STPG4: variants seen among roughly 807,000 people sequenced by gnomAD.
The protein encoded by STPG4 is protein STPG4.
A neutral mutation model predicts 31.5 loss-of-function variants in STPG4; 41 were observed. The observed-to-expected ratio is 1.30, with a 90% CI of 1.01 to 1.69. The LOEUF (loss-of-function observed/expected upper bound fraction) is 1.69, where lower values mean the gene tolerates loss of function less well. Among genes scored for constraint, STPG4 ranks in the 40% most tolerant of loss-of-function variants. The pLI is 0.00. For synonymous variants in STPG4, 141 were observed against 103.0 expected, an observed-to-expected ratio of 1.37 and a Z score of -2.24; for missense variants, 375 against 293.4, an observed-to-expected ratio of 1.28 and a Z score of -2.03.
At chr2:47,111,298 A>G (rs1573165032) in intron 5 of STPG4, among the ~76,000 whole-genome samples, 1 of 152,320 alleles carries the variant, frequency 6.6e-6, no homozygotes, top group South Asian at 2.1e-4. Context: ...GTAGTCATCA[A>G]AAAGTAGCCC....
intron 5 of STPG4, among the ~76,000 whole-genome samples, chr2:47,101,699 T>A (rs1411705863): frequency 1.3e-5 from 2 of 151,808 alleles, no homozygotes; most frequent in Non-Finnish European, 2.9e-5. Flanking sequence ...AATTTTAGGA[T>A]CCCTCCTCAG....
intron 5 of STPG4, among the ~76,000 whole-genome samples, chr2:47,094,342 A>C (rs1203322805): frequency 1.3e-5 from 2 of 152,176 alleles, no homozygotes; most frequent in Non-Finnish European, 2.9e-5. Context: ...GAGTCCTAGA[A>C]CTTGATGTCA....
chr2:47,101,211 G>A (rs988399060), intron 5 of STPG4, among the ~76,000 whole-genome samples: 4 of 151,802 alleles, frequency 2.6e-5, no homozygotes, highest in African/African-American at 9.7e-5. Context: ...AAAAACATGG[G>A]TGTCAGGCTT....
chr2:47,087,494 C>G (rs966294499), intron 6 of STPG4, among the ~76,000 whole-genome samples: 1 of 152,188 alleles, frequency 6.6e-6, no homozygotes, highest in African/African-American at 2.4e-5. Context: ...ATCATCTTTC[C>G]CCCGGTGACC....
At chr2:47,115,214 C>T (rs1373139481) in intron 5 of STPG4, among the ~76,000 whole-genome samples, 4 of 151,890 alleles carry the variant, frequency 2.6e-5, no homozygotes, top group Non-Finnish European at 4.4e-5. Context: ...TTGAAACATT[C>T]CTTCTAGAGT....
chr2:47,124,477 G>A (rs1686328503), intron 5 of STPG4, among the ~76,000 whole-genome samples: 1 of 151,976 alleles, frequency 6.6e-6, no homozygotes, highest in Admixed American at 6.6e-5. Context: ...GAGTTTGATT[G>A]TTTTATTAAT....
At chr2:47,142,036 T>C (rs1386056005) in intron 3 of STPG4, among the ~76,000 whole-genome samples, 3 of 150,588 alleles carry the variant, frequency 2.0e-5, no homozygotes, top group Non-Finnish European at 3.0e-5. Context: ...AACCATCCTG[T>C]TGAAAATCCC....
intron 5 of STPG4, among the ~76,000 whole-genome samples, chr2:47,096,296 A>C (rs1479371038): frequency 6.6e-6 from 1 of 152,172 alleles, no homozygotes; most frequent in Non-Finnish European, 1.5e-5. Context: ...CATCTGGTCC[A>C]AGGGGTCCGA....
At chr2:47,131,930 C>A (rs765580430) in intron 3 of STPG4, among the ~76,000 whole-genome samples, 1 of 152,228 alleles carries the variant, frequency 6.6e-6, no homozygotes, top group East Asian at 1.9e-4. Context: ...TTCGGGAAGC[C>A]GAGGCATGTG....
intron 5 of STPG4, 121 bp downstream of exon 5, chr2:47,129,820 G>A: frequency 1.6e-6 from 2 of 1,251,126 alleles, no homozygotes; most frequent in Non-Finnish European, 2.2e-6. Flanking sequence ...GGATAATGGT[G>A]TTCCTGCTAG....
At chr2:47,139,207 T>C (rs1233233491) in intron 3 of STPG4, among the ~76,000 whole-genome samples, 1 of 152,240 alleles carries the variant, frequency 6.6e-6, no homozygotes, top group Non-Finnish European at 1.5e-5. Context: ...ACTGAAGTCA[T>C]CTATTTCTCC....
intron 3 of STPG4, among the ~76,000 whole-genome samples, chr2:47,143,722 T>C (rs2103798100): frequency 6.6e-6 from 1 of 151,916 alleles, no homozygotes; most frequent in Admixed American, 6.5e-5. Context: ...TCTCCTGACC[T>C]CATGATCCGC....
chr2:47,155,056 T>G (rs1687003085), intron 1 of STPG4, 115 bp downstream of exon 1: 3 of 898,342 alleles, frequency 3.3e-6, no homozygotes, highest in African/African-American at 1.7e-5. Context: ...GAGAGAAGGG[T>G]AGGAAGAGGG....
In STPG4 at chr2:47,090,271, G is replaced by A; in HGVS notation, c.623C>T (p.Ser208Leu). 1 of 1,549,334 alleles carries A rather than the reference G, an allele frequency of 6.5e-7. No individual in the cohort carries two copies. The highest frequency in any genetic ancestry group is 8.7e-7 in the Non-Finnish European group (1 of 1,144,840). ...CGATCTGTCTTTCCGAATACTTACT[G>A]AACAGCTGGGCAAGAATCGAGGGAC... ...SRVPRFLPSC[S>L]KTPGPGAYTT... The change falls in exon 6 of 7, where the codon TCA becomes TTA. Residue 208 changes from serine to leucine, a missense_variant and splice_region_variant. Transcript: ENST00000445927.
chr2:47,117,061 T>C (rs915211416), intron 5 of STPG4, among the ~76,000 whole-genome samples: 8 of 152,178 alleles, frequency 5.3e-5, no homozygotes, highest in African/African-American at 1.9e-4. Flanking sequence ...TGGGTATGGG[T>C]GCCCCTTGCC....
intron 5 of STPG4, among the ~76,000 whole-genome samples, chr2:47,093,935 C>T (rs570340424): frequency 4.6e-5 from 7 of 152,382 alleles, no homozygotes; most frequent in East Asian, 3.9e-4. Context: ...AGAGTCCCCA[C>T]TGCTGCCCCA....
At chr2:47,104,998 A>C (rs1685881535) in intron 5 of STPG4, among the ~76,000 whole-genome samples, 1 of 151,962 alleles carries the variant, frequency 6.6e-6, no homozygotes, top group African/African-American at 2.4e-5. Context: ...CCCCGGATAC[A>C]GTGAGATAGC....
At chr2:47,130,634 C>T (rs976498037) in intron 3 of STPG4, among the ~76,000 whole-genome samples, 1 of 152,080 alleles carries the variant, frequency 6.6e-6, no homozygotes, top group African/African-American at 2.4e-5. Flanking sequence ...TCTGCCTCAC[C>T]CTCCCGAGTA....
Position 47,087,001 on chromosome 2 carries a change from G to T in STPG4, c.*7C>A. 1 of 1,551,638 alleles carries T rather than the reference G, an allele frequency of 6.4e-7. No homozygotes were observed. Among genetic ancestry groups the T allele is most frequent in the Non-Finnish European group, 8.7e-7 (1 of 1,146,936 alleles). On this transcript the variant is annotated 3_prime_UTR_variant, in exon 7 of 7. Coordinates refer to ENST00000445927, the MANE Select transcript of STPG4 (RefSeq NM_001163561.2). ...ACCTCAAAGTAGAGCTTGGTGCCAA[G>T]ATCACTTTATTTTAAAAGCCAATTG...
Sources: allele counts gnomAD v4.1 joint callset (sites outside exome capture counted in the v4.1 genomes callset), GRCh38; gene constraint gnomAD v4.1.1; transcripts MANE v1.5; gene names NCBI Gene and HGNC (gene_info 2026-07-23, HGNC 2026-07-21).